SPAG17: variants seen among roughly 807,000 people sequenced by gnomAD.
SPAG17 encodes the protein sperm associated antigen 17, also known as sperm-associated antigen 17.
SPAG17 carries 169 observed loss-of-function variants against 273.6 expected under a neutral mutation model. The observed-to-expected ratio is 0.62, with a 90% confidence interval of 0.55 to 0.70. SPAG17 has a LOEUF of 0.70. Among genes scored for constraint, SPAG17 ranks in the 30% least tolerant of loss-of-function variants. SPAG17 has a pLI of 0.00. For missense variants in SPAG17, 2,557 were observed against 2,627.8 expected, an observed-to-expected ratio of 0.97 and a Z score of 0.59; for synonymous variants, 825 against 873.2, an observed-to-expected ratio of 0.94 and a Z score of 0.97.
chr1:118,172,533 GA>G (rs1050865496), intron 1 of SPAG17, among the ~76,000 whole-genome samples: 14 of 151,414 alleles, frequency 9.2e-5, no homozygotes, highest in South Asian at 4.2e-4. Context: ...ATGTTAGGAA[GA>G]AAAAAAATAC....
Position 118,008,078 on chromosome 1 carries a change from G to T in SPAG17, c.4553C>A (p.Thr1518Lys). 6.2e-7 allele frequency: 1 copy of T among 1,613,970 alleles called. No individual in the cohort carries two copies. The highest frequency in any genetic ancestry group is 2.2e-5 in the East Asian group (1 of 44,874). The change falls in exon 31 of 49, where the codon ACA (threonine) becomes AAA (lysine). Residue 1518 changes from threonine (T) to lysine (K), a missense_variant. By Grantham distance (78) the Thr-to-Lys change is moderately conservative (BLOSUM62 -1). Coordinates refer to ENST00000336338, the MANE Select transcript of SPAG17 (RefSeq NM_206996.4). ...SSCCATFGDG[T>K]TIIAKPQGTY... is the part of the protein sequence containing the mutation. Reference sequence around the variant, plus strand: ...TCCCTGTGGCTTTGCAATAATAGTTGTTCCATCTCCAAAGGTGGCACAGCA... The same window carrying T: ...TCCCTGTGGCTTTGCAATAATAGTTTTTCCATCTCCAAAGGTGGCACAGCA...
chr1:118,027,212 A>C (rs2101860839), intron 26 of SPAG17, among the ~76,000 whole-genome samples: 1 of 152,208 alleles, frequency 6.6e-6, no homozygotes, highest in East Asian at 1.9e-4. Flanking sequence ...GCACAGTGGG[A>C]AAACCTGGAC....
At chr1:118,002,816 C>G (rs919781717) in intron 32 of SPAG17, among the ~76,000 whole-genome samples, 1 of 152,128 alleles carries the variant, frequency 6.6e-6, no homozygotes, top group African/African-American at 2.4e-5. Flanking sequence ...GGGCATTTAG[C>G]CCATTTACAT....
chr1:118,145,628 C>T (rs959780029), intron 3 of SPAG17, among the ~76,000 whole-genome samples: 1 of 151,342 alleles, frequency 6.6e-6, no homozygotes, highest in Non-Finnish European at 1.5e-5. Flanking sequence ...ATAGAAAGGC[C>T]CGTAGAAATA....
intron 3 of SPAG17, among the ~76,000 whole-genome samples, chr1:118,137,961 T>C (rs1658453708): frequency 6.6e-6 from 1 of 152,204 alleles, no homozygotes; most frequent in Non-Finnish European, 1.5e-5. Flanking sequence ...ATTGTTACCA[T>C]ATTTCAATTG....
At chr1:118,027,659 T>C (rs1009207812) in intron 26 of SPAG17, among the ~76,000 whole-genome samples, 14 of 152,202 alleles carry the variant, frequency 9.2e-5, no homozygotes, top group African/African-American at 3.1e-4. Context: ...ATATTCAAAT[T>C]CAGTAACAAA....
At chr1:118,037,133 A>G (rs1056036298) in intron 23 of SPAG17, among the ~76,000 whole-genome samples, 1 of 152,300 alleles carries the variant, frequency 6.6e-6, no homozygotes, top group African/African-American at 2.4e-5. Flanking sequence ...GGTTGATGGC[A>G]TATCCATAAG....
At chr1:117,954,493 T>C in intron 48 of SPAG17, 1 of 1,338,182 alleles carries the variant, frequency 7.5e-7, no homozygotes, top group Non-Finnish European at 1.0e-6. Flanking sequence ...TTTTCAAAAT[T>C]ATAAAATACA....
At chr1:117,961,364 T>C (rs1157691046) in intron 48 of SPAG17, 2 of 152,194 alleles carry the variant, frequency 1.3e-5, no homozygotes, top group African/African-American at 2.4e-5. Context: ...TTGTCTACTG[T>C]ATATCTTCAT....
At chr1:118,058,187 TA>T (rs1454307122) in intron 18 of SPAG17, among the ~76,000 whole-genome samples, 1 of 152,146 alleles carries the variant, frequency 6.6e-6, no homozygotes, top group Non-Finnish European at 1.5e-5. Flanking sequence ...GCTATCAGAG[TA>T]ACTAAAAAAA....
intron 24 of SPAG17, chr1:118,036,565 G>C (rs1157543308): frequency 3.1e-6 from 1 of 317,492 alleles, no homozygotes; most frequent in African/African-American, 2.2e-5. Context: ...ATGTATAAAA[G>C]ATTATATATA....
At chr1:118,060,598 G>A (rs1652181286) in intron 18 of SPAG17, among the ~76,000 whole-genome samples, 1 of 152,118 alleles carries the variant, frequency 6.6e-6, no homozygotes, top group East Asian at 1.9e-4. Flanking sequence ...GAATTTGACT[G>A]TATACTTGCC....
At chr1:118,039,099 G>GA (rs999556890) in intron 23 of SPAG17, among the ~76,000 whole-genome samples, 193 bp downstream of exon 23, 1 of 152,012 alleles carries the variant, frequency 6.6e-6, no homozygotes, top group African/African-American at 2.4e-5. Flanking sequence ...GTCTGGTAAA[G>GA]AAAAAAGATA....
intron 3 of SPAG17, among the ~76,000 whole-genome samples, chr1:118,131,797 T>C (rs530623417): frequency 1.3e-5 from 2 of 152,304 alleles, no homozygotes; most frequent in East Asian, 3.9e-4. Context: ...TGTTCATCCT[T>C]ACTCAGAGGA....
At position 118,034,001 on chromosome 1, in the gene SPAG17, C is replaced by T. The variant is rs138350105; in HGVS notation, c.3434-2134G>A. 5.3e-5 allele frequency among the ~76,000 whole-genome samples: 8 copies of T among 151,952 alleles called. No individual in the cohort carries two copies. The East Asian group carries it at 5.8e-4, about 11-fold the overall frequency. ...GTGAGTTCTTTGTGTAGATGTACCA[C>T]GAATTAATTCATCTTAGTGGCTCAG... On this transcript the variant is annotated intron_variant, in intron 24 of 48. Coordinates refer to ENST00000336338, the MANE Select transcript of SPAG17 (RefSeq NM_206996.4).
intron 29 of SPAG17, 64 bp from the exon 30 acceptor site, chr1:118,012,436 T>A: frequency 6.5e-7 from 1 of 1,545,322 alleles, no homozygotes; most frequent in Middle Eastern, 1.7e-4. Context: ...GTACTTATTT[T>A]TATCCATTGA....
chr1:118,079,098 G>A (rs957617383), intron 15 of SPAG17, among the ~76,000 whole-genome samples: 6 of 151,992 alleles, frequency 3.9e-5, no homozygotes, highest in African/African-American at 1.4e-4. Flanking sequence ...ATGAATAGAG[G>A]AGGATATGCT....
At chr1:118,028,242 T>A (rs767280785) in intron 26 of SPAG17, 32 bp downstream of exon 26, 1 of 1,582,054 alleles carries the variant, frequency 6.3e-7, no homozygotes, top group African/African-American at 1.4e-5. Context: ...TTTTGCTCCC[T>A]GCTTCCCCAC....
rs1409396163 is a variant in SPAG17, at chr1:118,081,090, C to G, written c.2209+11G>C. ...ACACACACACACACACACACACACA[C>G]TTTAACTTACCCAGAGACTCATGTT... is the stretch of plus-strand genomic sequence containing the variant. On this transcript the variant is annotated intron_variant, in intron 15 of 48. Coordinates refer to ENST00000336338, the MANE Select transcript of SPAG17 (RefSeq NM_206996.4). 5.1e-6 allele frequency: 8 copies of G among 1,574,540 alleles called. No homozygotes were observed. The highest frequency in any genetic ancestry group is 6.1e-6 in the Non-Finnish European group (7 of 1,145,784).
Sources: allele counts gnomAD v4.1 joint callset (sites outside exome capture counted in the v4.1 genomes callset), GRCh38; gene constraint gnomAD v4.1.1; transcripts MANE v1.5; gene names NCBI Gene and HGNC (gene_info 2026-07-23, HGNC 2026-07-21).